Variants in LITAF observed in about 807,000 individuals in gnomAD.
The protein encoded by LITAF is lipopolysaccharide-induced tumor necrosis factor-alpha factor.
In LITAF, 9 loss-of-function variants were observed where a neutral mutation model predicts 14.5. The ratio of observed to expected loss-of-function variants is 0.62; its 90% confidence interval spans 0.37 to 1.08. The LOEUF (loss-of-function observed/expected upper bound fraction) is 1.08, where lower values mean the gene tolerates loss of function less well. LITAF is among the 50% of genes least tolerant of loss of function. The probability of loss-of-function intolerance (pLI) is 0.01; values close to 1 mark genes in which losing one functional copy is unlikely to be tolerated. For missense variants in LITAF, 206 were observed against 213.4 expected (o/e 0.97, Z 0.22); for synonymous variants, 98 against 88.2 (o/e 1.11, Z -0.62).
At chr16:11,615,967 A>T (rs535638132) in intron 3 of LITAF, among the ~76,000 whole-genome samples, 1 of 152,124 alleles carries the variant, frequency 6.6e-6, no homozygotes, top group Non-Finnish European at 1.5e-5. Context: ...GGGTCCAATC[A>T]CCAATGGCCA....
intron 1 of LITAF, among the ~76,000 whole-genome samples, chr16:11,580,569 T>C (rs111939862): frequency 6.6e-6 from 1 of 151,984 alleles, no homozygotes; most frequent in South Asian, 2.1e-4. Context: ...AGATCTTAAC[T>C]TAGGAGAGGA....
rs541350536 is a variant in LITAF at position 11,564,040 on chromosome 16, G to A, written c.-5-7305C>T. On this transcript the variant is annotated intron_variant, in intron 1 of 3. Transcript: ENST00000622633. Reference sequence around the variant, plus strand: ...TCCTGCCTCAGCCTCCCGAGAAGCTGGGATTACAGGCACGTGCCACTAAAC... The same window carrying A: ...TCCTGCCTCAGCCTCCCGAGAAGCTAGGATTACAGGCACGTGCCACTAAAC... Among the ~76,000 whole-genome samples the A allele has an allele frequency of 2.6e-5, 4 of 152,058 alleles. No individual in the cohort carries two copies. In the East Asian group the frequency reaches 5.8e-4, roughly 22 times the overall value.
chr16:11,635,627 C>T (rs181444315), intron 2 of LITAF, among the ~76,000 whole-genome samples: 4 of 152,348 alleles, frequency 2.6e-5, no homozygotes, highest in African/African-American at 2.4e-5. Flanking sequence ...CCGCAGTAGC[C>T]TCTGACCCCA....
At chr16:11,554,591 A>G (rs1369310967) in intron 2 of LITAF, among the ~76,000 whole-genome samples, 1 of 151,978 alleles carries the variant, frequency 6.6e-6, no homozygotes, top group Admixed American at 6.6e-5. Flanking sequence ...TCAGGAGTTC[A>G]AGACCAGCCT....
intron 3 of LITAF, among the ~76,000 whole-genome samples, chr16:11,624,130 A>C (rs530932621): frequency 1.1e-4 from 16 of 152,098 alleles, no homozygotes; most frequent in Non-Finnish European, 2.1e-4. Flanking sequence ...ACCAAAAATA[A>C]ATAAATAAAT....
At chr16:11,573,583 G>A (rs898391149) in intron 1 of LITAF, among the ~76,000 whole-genome samples, 3 of 152,118 alleles carry the variant, frequency 2.0e-5, no homozygotes, top group Admixed American at 6.6e-5. Flanking sequence ...GTACTGAAAC[G>A]AGGAAGAGTT....
chr16:11,613,377 G>C (rs1191132194), intron 3 of LITAF, among the ~76,000 whole-genome samples: 1 of 152,204 alleles, frequency 6.6e-6, no homozygotes, highest in Non-Finnish European at 1.5e-5. Context: ...TCACCTGGGG[G>C]AATAAGCAAT....
intron 2 of LITAF, 146 bp downstream of exon 2, chr16:11,556,365 C>T (rs1051175195): frequency 3.8e-5 from 25 of 652,518 alleles, no homozygotes; most frequent in Admixed American, 8.7e-5. Flanking sequence ...TAAAAGACTG[C>T]GTGTGGAATT....
intron 3 of LITAF, among the ~76,000 whole-genome samples, chr16:11,619,830 C>G (rs1449848172): frequency 1.3e-5 from 2 of 152,100 alleles, no homozygotes; most frequent in African/African-American, 4.8e-5. Context: ...ACCTTGGCCT[C>G]TGATATAGTT....
intron 1 of LITAF, among the ~76,000 whole-genome samples, chr16:11,559,516 T>C (rs2064325382): frequency 6.6e-6 from 1 of 152,098 alleles, no homozygotes; most frequent in Non-Finnish European, 1.5e-5. Context: ...AATTTAGCAT[T>C]CAATTTGGGA....
chr16:11,638,074 ATATC>A (rs2065149357), upstream of LITAF, among the ~76,000 whole-genome samples: 2 of 121,188 alleles, frequency 1.7e-5, no homozygotes, highest in South Asian at 4.8e-4. Flanking sequence ...ATCTATATAT[ATATC>A]TATATCTATC....
At chr16:11,551,494 G>C (rs1344450346) in intron 3 of LITAF, among the ~76,000 whole-genome samples, 1 of 152,196 alleles carries the variant, frequency 6.6e-6, no homozygotes, top group Non-Finnish European at 1.5e-5. Flanking sequence ...GGGAGGGAAA[G>C]AAAGGTTGCC....
rs755155866 is a variant in LITAF at position 11,556,574 on chromosome 16, C to T, written c.157G>A (p.Gly53Arg). 5 of 1,614,050 alleles carry T rather than the reference C, an allele frequency of 3.1e-6. No individual in the cohort carries two copies. In the East Asian group the frequency reaches 1.1e-4, roughly 36 times the overall value. ...PTTGLVTGPD[G>R]KGMNPPSYYT... ...TACGAAGGAGGATTCATGCCCTTCC[C>T]ATCAGGCCCCGTCACAAGCCCCGTA... The change falls in exon 2 of 4, where the codon GGG becomes AGG. Residue 53 changes from glycine to arginine, a missense_variant. Gly to Arg is a moderately radical substitution (Grantham distance 125). Coordinates refer to ENST00000622633, the MANE Select transcript of LITAF (RefSeq NM_001136472.2).
intron 3 of LITAF, chr16:11,551,781 A>G (rs1826266936): frequency 1.5e-6 from 1 of 680,506 alleles, no homozygotes; most frequent in African/African-American, 1.8e-5. Flanking sequence ...GCGGAGAGCT[A>G]CGATCGTACC....
At chr16:11,577,138 T>C (rs1368006940) in intron 1 of LITAF, among the ~76,000 whole-genome samples, 1 of 152,112 alleles carries the variant, frequency 6.6e-6, no homozygotes, top group Non-Finnish European at 1.5e-5. Context: ...AACTGGACCA[T>C]ATTACGTTAC....
intron 3 of LITAF, among the ~76,000 whole-genome samples, chr16:11,608,593 G>T (rs1662795150): frequency 6.6e-6 from 1 of 152,240 alleles, no homozygotes; most frequent in Admixed American, 6.5e-5. Flanking sequence ...CCATGGAAAA[G>T]AATAAAGCAC....
intron 1 of LITAF, among the ~76,000 whole-genome samples, chr16:11,595,210 T>C (rs1332198754): frequency 6.6e-6 from 1 of 152,182 alleles, no homozygotes; most frequent in Admixed American, 6.5e-5. Flanking sequence ...AAAAGGTCCA[T>C]GCAGCTGGGA....
chr16:11,608,980 C>CAA (rs3048072), intron 3 of LITAF, among the ~76,000 whole-genome samples: 53,465 of 149,600 alleles, frequency 0.36, 11,611 homozygotes, highest in Middle Eastern at 0.48. Context: ...AACAAACAAA[C>CAA]AAAAAAAAAC....
At chr16:11,557,037 T>G (rs1195071925) in intron 1 of LITAF, among the ~76,000 whole-genome samples, 1 of 151,756 alleles carries the variant, frequency 6.6e-6, no homozygotes, top group Non-Finnish European at 1.5e-5. Context: ...CCTACGTACC[T>G]TCCATATCTG....
Sources: allele counts gnomAD v4.1 joint callset (sites outside exome capture counted in the v4.1 genomes callset), GRCh38; gene constraint gnomAD v4.1.1; transcripts MANE v1.5; gene names NCBI Gene and HGNC (gene_info 2026-07-23, HGNC 2026-07-21).